UGGT2: variants seen among roughly 807,000 people sequenced by gnomAD.
UGGT2 encodes UDP-glucose:glycoprotein glucosyltransferase 2.
UGGT2 carries 180 observed loss-of-function variants against 192.1 expected under a neutral mutation model. That is an observed-to-expected ratio of 0.94 (90% confidence interval 0.83 to 1.06). The LOEUF is 1.06. Among genes scored for constraint, UGGT2 ranks in the 50% least tolerant of loss-of-function variants. The probability of loss-of-function intolerance (pLI) is 0.00; values close to 1 mark genes in which losing one functional copy is unlikely to be tolerated. For missense variants in UGGT2, 1,849 were observed against 1,795.7 expected (o/e 1.03, Z -0.54); for synonymous variants, 580 against 591.0 (o/e 0.98, Z 0.27).
intron 20 of UGGT2, among the ~76,000 whole-genome samples, chr13:95,922,992 T>A (rs746371273): frequency 2.6e-5 from 4 of 152,196 alleles, no homozygotes; most frequent in African/African-American, 9.7e-5. Context: ...ATTTGGAAAG[T>A]CATTTGTTAA....
At chr13:95,892,053 T>C (rs906554965) in intron 24 of UGGT2, among the ~76,000 whole-genome samples, 1 of 152,132 alleles carries the variant, frequency 6.6e-6, no homozygotes, top group Non-Finnish European at 1.5e-5. Flanking sequence ...CTCTTGACAA[T>C]TGTTGCTTCC....
chr13:96,031,343 C>CCT (rs994897999), intron 2 of UGGT2, among the ~76,000 whole-genome samples: 1 of 151,984 alleles, frequency 6.6e-6, no homozygotes, highest in Non-Finnish European at 1.5e-5. Flanking sequence ...GGAGACAAGG[C>CCT]CTCTCTCTGT....
intron 2 of UGGT2, 114 bp downstream of exon 2, chr13:96,031,775 T>A: frequency 1.4e-6 from 1 of 700,442 alleles, no homozygotes; most frequent in Non-Finnish European, 2.2e-6. Context: ...AATGTTCGGA[T>A]TTACTAACCC....
In UGGT2 at chr13:96,047,250, G is replaced by A. The variant is rs143296799; in HGVS notation, c.158+5905C>T. Among the ~76,000 whole-genome samples the A allele has an allele frequency of 9.6e-3, 1,458 of 152,248 alleles. 22 individuals carry two copies. Among genetic ancestry groups the A allele is most frequent in the African/African-American group, 0.033 (1,388 of 41,532 alleles). On this transcript the variant is annotated intron_variant, in intron 1 of 38. Coordinates refer to ENST00000376747, the MANE Select transcript of UGGT2 (RefSeq NM_020121.4). ...GGGCCGACTGACACCTCATACAGCCGGGTGCCCCTCTGAGACGAAGCTTCC... is the reference window on the plus strand; with the variant it reads ...GGGCCGACTGACACCTCATACAGCCAGGTGCCCCTCTGAGACGAAGCTTCC...
intron 38 of UGGT2, among the ~76,000 whole-genome samples, chr13:95,810,093 G>C (rs961536330): frequency 7.9e-5 from 12 of 152,140 alleles, no homozygotes; most frequent in Non-Finnish European, 1.5e-4. Flanking sequence ...ATAACCACAT[G>C]TGACGACCTC....
intron 4 of UGGT2, among the ~76,000 whole-genome samples, chr13:96,021,299 T>A (rs943100783): frequency 6.6e-6 from 1 of 152,322 alleles, no homozygotes; most frequent in East Asian, 1.9e-4. Context: ...TGATGTTAAT[T>A]TTTTTGTAAT....
At chr13:96,049,873 A>C (rs1036913968) in intron 1 of UGGT2, among the ~76,000 whole-genome samples, 2 of 152,244 alleles carry the variant, frequency 1.3e-5, no homozygotes, top group Non-Finnish European at 2.9e-5. Context: ...ATGGATAGGA[A>C]GAATCAGTAT....
intron 12 of UGGT2, among the ~76,000 whole-genome samples, chr13:95,955,524 T>C (rs1450752894): frequency 2.0e-5 from 3 of 152,298 alleles, no homozygotes; most frequent in Middle Eastern, 3.4e-3. Flanking sequence ...CTTCTGAGTA[T>C]ACGAAATGAA....
chr13:96,032,040 C>T, intron 1 of UGGT2, 69 bp from the exon 2 acceptor site: 8 of 1,091,896 alleles, frequency 7.3e-6, no homozygotes, highest in Non-Finnish European at 5.3e-6. Flanking sequence ...ATAAACTGTA[C>T]TCAAGAACCA....
intron 7 of UGGT2, chr13:95,991,295 GCCACACTGTCTT>G (rs2051450197): frequency 3.6e-6 from 1 of 278,370 alleles, no homozygotes; most frequent in African/African-American, 2.2e-5. Context: ...TTGAGGAATT[GCCACACTGTCTT>G]CCACAACGGT....
intron 10 of UGGT2, among the ~76,000 whole-genome samples, chr13:95,979,424 C>T (rs762416555): frequency 4.0e-5 from 6 of 151,802 alleles, no homozygotes; most frequent in African/African-American, 7.3e-5. Context: ...ACCCTTCACC[C>T]GTTTCATCCC....
Position 95,895,266 on chromosome 13 carries a change from ATCT to A in UGGT2, c.2670_2672del (p.Glu890del). On this transcript the variant is annotated inframe_deletion, in exon 23 of 39. Coordinates refer to ENST00000376747, the MANE Select transcript of UGGT2 (RefSeq NM_020121.4). ...ATGTTATCTTTTCCAACAAGTAAAA[ATCT>A]TCTGCATAAAAATCTTCATCTAAAG... 6.5e-7 allele frequency: 1 copy of A among 1,542,302 alleles called. No homozygotes were observed. The highest frequency in any genetic ancestry group is 8.8e-7 in the Non-Finnish European group (1 of 1,136,532).
intron 9 of UGGT2, among the ~76,000 whole-genome samples, chr13:95,985,624 A>C (rs1013318250): frequency 6.6e-6 from 1 of 152,212 alleles, no homozygotes; most frequent in South Asian, 2.1e-4. Flanking sequence ...CACATATTTT[A>C]TCTCTTTAGT....
At chr13:95,909,278 T>C (rs1055265239) in intron 20 of UGGT2, among the ~76,000 whole-genome samples, 5 of 152,132 alleles carry the variant, frequency 3.3e-5, no homozygotes, top group African/African-American at 9.7e-5. Context: ...CTATGAATCA[T>C]GCTGCTATAA....
intron 17 of UGGT2, among the ~76,000 whole-genome samples, chr13:95,931,197 G>A (rs2049251326): frequency 6.6e-6 from 1 of 152,112 alleles, no homozygotes; most frequent in African/African-American, 2.4e-5. Context: ...CCCACTAGAT[G>A]AGCTAGACAC....
chr13:96,003,446 GTGACCT>G (rs2051870962), intron 5 of UGGT2, among the ~76,000 whole-genome samples: 2 of 152,270 alleles, frequency 1.3e-5, no homozygotes, highest in South Asian at 4.1e-4. Flanking sequence ...CCTTTGCAAT[GTGACCT>G]TGCTACTTCT....
chr13:96,028,691 T>C (rs2052737782), intron 2 of UGGT2, among the ~76,000 whole-genome samples: 1 of 152,216 alleles, frequency 6.6e-6, no homozygotes, highest in Non-Finnish European at 1.5e-5. Context: ...AAGTTAAATG[T>C]TCAATATTTA....
chr13:95,950,059 C>T (rs1014451725), intron 12 of UGGT2, among the ~76,000 whole-genome samples: 1 of 151,850 alleles, frequency 6.6e-6, no homozygotes, highest in African/African-American at 2.4e-5. Flanking sequence ...CCCCAGATTG[C>T]GTCCTGGAGA....
At chr13:95,836,632 AC>A (rs1038017311) in intron 37 of UGGT2, among the ~76,000 whole-genome samples, 3 of 151,654 alleles carry the variant, frequency 2.0e-5, no homozygotes, top group African/African-American at 7.3e-5. Flanking sequence ...CCCCAGTAAA[AC>A]CCCTGGACAC....
Sources: gnomAD v4.1 joint callset for allele counts (sites outside exome capture counted in the v4.1 genomes callset) on GRCh38, gnomAD v4.1.1 for gene constraint, MANE v1.5 for transcripts, NCBI Gene and HGNC (gene_info 2026-07-23, HGNC 2026-07-21) for gene names.